Variants in GPC6 observed in about 807,000 individuals in gnomAD.
GPC6 encodes the protein glypican-6.
GPC6 carries 14 observed loss-of-function variants against 55.2 expected under a neutral mutation model. The ratio of observed to expected loss-of-function variants is 0.25; its 90% CI spans 0.17 to 0.40. The LOEUF (loss-of-function observed/expected upper bound fraction) is 0.40, where lower values mean the gene tolerates loss of function less well. Among genes scored for constraint, GPC6 ranks in the 10% least tolerant of loss-of-function variants. GPC6 has a pLI of 1.00. For synonymous variants in GPC6, 278 were observed against 259.6 expected (o/e 1.07, Z -0.68); for missense variants, 641 against 708.5 (o/e 0.90, Z 1.08).
intron 4 of GPC6, among the ~76,000 whole-genome samples, chr13:94,146,675 A>G (rs1887572617): frequency 6.6e-6 from 1 of 152,154 alleles, no homozygotes; most frequent in South Asian, 2.1e-4. Flanking sequence ...GACATACCTC[A>G]CAAGATTTAA....
intron 4 of GPC6, among the ~76,000 whole-genome samples, chr13:94,093,705 T>C (rs913887245): frequency 1.3e-5 from 2 of 152,130 alleles, no homozygotes; most frequent in Non-Finnish European, 2.9e-5. Context: ...AGGGACATTG[T>C]AACATATATT....
At chr13:94,379,510 C>T (rs759520184) in intron 6 of GPC6, among the ~76,000 whole-genome samples, 11 of 152,132 alleles carry the variant, frequency 7.2e-5, no homozygotes, top group Non-Finnish European at 1.5e-4. Context: ...CCTCACTTAG[C>T]CAAATACAAC....
At chr13:94,379,403 C>T (rs1257536996) in intron 6 of GPC6, among the ~76,000 whole-genome samples, 1 of 152,150 alleles carries the variant, frequency 6.6e-6, no homozygotes, top group African/African-American at 2.4e-5. Context: ...AATGAAAACG[C>T]ACAGCTACTG....
chr13:93,558,032 T>C (rs1251057460), intron 2 of GPC6, among the ~76,000 whole-genome samples: 2 of 152,236 alleles, frequency 1.3e-5, no homozygotes, highest in Non-Finnish European at 1.5e-5. Context: ...AGAAAAATTT[T>C]AGCCATGTAA....
intron 5 of GPC6, among the ~76,000 whole-genome samples, chr13:94,292,326 A>G (rs1277300594): frequency 6.6e-6 from 1 of 152,174 alleles, no homozygotes; most frequent in African/African-American, 2.4e-5. Flanking sequence ...AAGGTTCAGT[A>G]AATATTTGCT....
chr13:94,018,101 C>T (rs1042043150), intron 3 of GPC6, among the ~76,000 whole-genome samples: 2 of 152,090 alleles, frequency 1.3e-5, no homozygotes, highest in Non-Finnish European at 2.9e-5. Flanking sequence ...CCTTCTATTC[C>T]TACTTTTCTG....
At chr13:93,845,079 G>A (rs1235403221) in intron 3 of GPC6, among the ~76,000 whole-genome samples, 1 of 152,004 alleles carries the variant, frequency 6.6e-6, no homozygotes, top group Non-Finnish European at 1.5e-5. Context: ...CAGGTAGCGT[G>A]ATGCCTCCAG....
intron 6 of GPC6, among the ~76,000 whole-genome samples, chr13:94,329,784 T>G (rs1877315195): frequency 6.6e-6 from 1 of 151,628 alleles, no homozygotes; most frequent in Admixed American, 6.6e-5. Context: ...CTCCTACTCC[T>G]CCTCCTCCTC....
At chr13:93,895,491 G>T (rs1185991434) in intron 3 of GPC6, among the ~76,000 whole-genome samples, 1 of 151,580 alleles carries the variant, frequency 6.6e-6, no homozygotes, top group East Asian at 1.9e-4. Context: ...CTTGGGAATT[G>T]ATTCAAGTAA....
intron 6 of GPC6, among the ~76,000 whole-genome samples, chr13:94,365,139 T>C (rs978605520): frequency 6.6e-6 from 1 of 152,294 alleles, no homozygotes; most frequent in South Asian, 2.1e-4. Context: ...CCATGATGAA[T>C]AGGCAAATCT....
At chr13:93,589,571 T>A (rs1292982808) in intron 2 of GPC6, among the ~76,000 whole-genome samples, 1 of 152,160 alleles carries the variant, frequency 6.6e-6, no homozygotes, top group Non-Finnish European at 1.5e-5. Flanking sequence ...ATTCCTCTTA[T>A]CTTGTCAAAG....
chr13:93,301,245 C>T (rs8001061), intron 1 of GPC6, among the ~76,000 whole-genome samples: 388 of 152,172 alleles, frequency 2.5e-3, no homozygotes, highest in Non-Finnish European at 4.2e-3. Context: ...TCTGAAATCT[C>T]GTGCTTCCTG....
At chr13:93,722,043 C>A (rs1331788931) in intron 2 of GPC6, among the ~76,000 whole-genome samples, 1 of 151,696 alleles carries the variant, frequency 6.6e-6, no homozygotes, top group Non-Finnish European at 1.5e-5. Context: ...CAATATACAG[C>A]AGATAAATGA....
At chr13:93,552,942 T>G (rs1033174809) in intron 2 of GPC6, among the ~76,000 whole-genome samples, 2 of 152,232 alleles carry the variant, frequency 1.3e-5, no homozygotes, top group Non-Finnish European at 2.9e-5. Context: ...TTTCTTATTT[T>G]AATGAAAATC....
At chr13:94,069,069 A>G (rs1238157476) in intron 4 of GPC6, among the ~76,000 whole-genome samples, 2 of 152,194 alleles carry the variant, frequency 1.3e-5, no homozygotes, top group African/African-American at 2.4e-5. Flanking sequence ...GAGGTTCTCC[A>G]TGAGGGACCC....
At chr13:93,796,743 G>A (rs2138930719) in intron 2 of GPC6, among the ~76,000 whole-genome samples, 1 of 152,258 alleles carries the variant, frequency 6.6e-6, no homozygotes, top group East Asian at 1.9e-4. Flanking sequence ...GGGTGAAAGA[G>A]GTATGAGTAC....
chr13:93,373,337 C>A (rs1289842694), intron 1 of GPC6, among the ~76,000 whole-genome samples: 1 of 152,198 alleles, frequency 6.6e-6, no homozygotes, highest in East Asian at 1.9e-4. Flanking sequence ...AACCTCCTTT[C>A]TTCATTCTGA....
chr13:93,485,042 C>T (rs1879648648), intron 1 of GPC6, among the ~76,000 whole-genome samples: 1 of 152,176 alleles, frequency 6.6e-6, no homozygotes, highest in East Asian at 1.9e-4. Flanking sequence ...GAGGTATTTA[C>T]AGCTTGATGT....
At chr13:93,433,576 T>C (rs1241017285) in intron 1 of GPC6, among the ~76,000 whole-genome samples, 2 of 152,142 alleles carry the variant, frequency 1.3e-5, no homozygotes, top group African/African-American at 4.8e-5. Flanking sequence ...GTGCTGATGA[T>C]TGAGAAATGT....
Sources: allele counts gnomAD v4.1 joint callset (sites outside exome capture counted in the v4.1 genomes callset), GRCh38; gene constraint gnomAD v4.1.1; transcripts MANE v1.5; gene names NCBI Gene and HGNC (gene_info 2026-07-23, HGNC 2026-07-21).